The following TUB variants were observed in gnomAD, a reference collection of about 807,000 sequenced individuals.
TUB encodes the protein tubby protein homolog.
A neutral mutation model predicts 59.7 loss-of-function variants in TUB; 33 were observed. The observed-to-expected ratio is 0.55, with a 90% CI of 0.42 to 0.74. TUB has a LOEUF of 0.74. Ranked by LOEUF, TUB falls within the 30% of genes least tolerant of loss-of-function variation. The pLI is 0.00. For missense variants in TUB, 659 were observed against 672.0 expected, an observed-to-expected ratio of 0.98 and a Z score of 0.21; for synonymous variants, 293 against 256.4, an observed-to-expected ratio of 1.14 and a Z score of -1.36.
chr11:8,038,927 A>G (rs747831979), exon 1 of TUB: 7 of 1,613,788 alleles, frequency 4.3e-6, no homozygotes, highest in South Asian at 3.3e-5. Context: ...TTGCCGAGAC[A>G]GGGATTTTGT....
intron 1 of TUB, among the ~76,000 whole-genome samples, chr11:8,084,210 G>A (rs7929206): frequency 0.078 from 11,801 of 152,156 alleles, 974 homozygotes; most frequent in African/African-American, 0.21. Context: ...GTTACACCTT[G>A]CATTCCCTGG....
At chr11:8,042,966 C>T (rs2133737585) in intron 2 of TUB, among the ~76,000 whole-genome samples, 1 of 152,120 alleles carries the variant, frequency 6.6e-6, no homozygotes, top group East Asian at 1.9e-4. Flanking sequence ...TATCTAGTTT[C>T]CTTTTGTTGC....
At chr11:8,087,628 T>C (rs1267911418) in intron 1 of TUB, among the ~76,000 whole-genome samples, 2 of 152,248 alleles carry the variant, frequency 1.3e-5, no homozygotes, top group Non-Finnish European at 2.9e-5. Context: ...TTCACGTGTG[T>C]CCTGAAAGTT....
At chr11:8,050,452 G>A (rs1440221519) in intron 2 of TUB, among the ~76,000 whole-genome samples, 1 of 152,142 alleles carries the variant, frequency 6.6e-6, no homozygotes, top group East Asian at 1.9e-4. Flanking sequence ...ATGAATCCCA[G>A]CTGTCCCATA....
Position 8,094,118 on chromosome 11 carries a change from G to A in TUB, c.326G>A (p.Arg109Lys), listed in dbSNP as rs752018994. ...CCAACAGCACCAGCTTCAGCCAAGAGAACCAAGGCGGCAGCTACAGCAGGG... is the reference window on the plus strand; with the variant it reads ...CCAACAGCACCAGCTTCAGCCAAGAAAACCAAGGCGGCAGCTACAGCAGGG... ...TRPTAPASAK[R>K]TKAAATAGGQ... is the part of the protein sequence containing the mutation. Residue 109 changes from arginine (R) to lysine (K), a missense_variant, in exon 4 of 12, where the codon AGA becomes AAA. Transcript: ENST00000299506. 2 of 1,614,168 alleles carry A rather than the reference G, an allele frequency of 1.2e-6. No individual in the cohort carries two copies. The highest frequency in any genetic ancestry group is 1.7e-6 in the Non-Finnish European group (2 of 1,180,014).
At chr11:8,099,539 A>G (rs78629328) in intron 9 of TUB, among the ~76,000 whole-genome samples, 8,034 of 152,262 alleles carry the variant, frequency 0.053, 243 homozygotes, top group South Asian at 0.1. Flanking sequence ...TCAAGTTCTT[A>G]CTGAGCTCCA....
At chr11:8,071,405 C>T (rs1043022702) in intron 2 of TUB, among the ~76,000 whole-genome samples, 5 of 152,126 alleles carry the variant, frequency 3.3e-5, no homozygotes, top group African/African-American at 7.2e-5. Flanking sequence ...TCTAATCCAA[C>T]CCCCTCATCT....
chr11:8,079,506 T>C (rs992350792), upstream of TUB, among the ~76,000 whole-genome samples: 2 of 152,184 alleles, frequency 1.3e-5, no homozygotes, highest in African/African-American at 4.8e-5. Flanking sequence ...TTATTTTGTC[T>C]GCTCTCTGTC....
Position 8,104,286 on chromosome 11 carries a change from C to A in TUB, c.*2667C>A, listed in dbSNP as rs185654949. 6.6e-6 allele frequency: 1 copy of A among 152,090 alleles called. No individual in the cohort carries two copies. Among genetic ancestry groups the A allele is most frequent in the African/African-American group, 2.4e-5 (1 of 41,396 alleles). The allele number at this position is 152,090 out of a possible 1,614,324, so 9.4% of individuals were successfully genotyped here. A position where few individuals can be genotyped will look rare whatever the true frequency, so the allele number is the denominator to read the frequency against. ...TGAGTTTAGGCAGCTTCTCTGTAACCGCTTCTGGGGCCACACCCCAAAACT... is the reference window on the plus strand; with the variant it reads ...TGAGTTTAGGCAGCTTCTCTGTAACAGCTTCTGGGGCCACACCCCAAAACT... On this transcript the variant is annotated 3_prime_UTR_variant, in exon 12 of 12. Coordinates refer to ENST00000299506, the MANE Select transcript of TUB (RefSeq NM_177972.3).
chr11:8,097,494 G>C, intron 7 of TUB, 69 bp downstream of exon 7: 1 of 1,600,462 alleles, frequency 6.2e-7, no homozygotes, highest in Non-Finnish European at 8.6e-7. Context: ...GCTGAAATGT[G>C]ACTGGAAGTC....
At chr11:8,070,243 C>T (rs1943335700) in intron 2 of TUB, among the ~76,000 whole-genome samples, 1 of 152,158 alleles carries the variant, frequency 6.6e-6, no homozygotes, top group African/African-American at 2.4e-5. Context: ...AAACAGTCTT[C>T]CTATCATATA....
chr11:8,020,632 G>A (rs925999983), intron 1 of TUB, among the ~76,000 whole-genome samples: 5 of 152,104 alleles, frequency 3.3e-5, no homozygotes, highest in Non-Finnish European at 5.9e-5. Context: ...GCCTTCTTTG[G>A]GGAAATATAT....
intron 2 of TUB, among the ~76,000 whole-genome samples, chr11:8,046,478 T>C (rs116279648): frequency 1.7e-3 from 264 of 152,334 alleles, no homozygotes; most frequent in African/African-American, 5.9e-3. Flanking sequence ...TTCTATTTCC[T>C]ATCTCCTGGG....
intron 2 of TUB, among the ~76,000 whole-genome samples, chr11:8,045,986 G>C (rs1445200278): frequency 6.6e-6 from 1 of 152,120 alleles, no homozygotes; most frequent in Non-Finnish European, 1.5e-5. Context: ...CCCCAGCCTT[G>C]GGTCGTTTTC....
At chr11:8,033,090 G>A (rs1025836208) in intron 1 of TUB, among the ~76,000 whole-genome samples, 4 of 152,198 alleles carry the variant, frequency 2.6e-5, no homozygotes, top group Admixed American at 2.6e-4. Flanking sequence ...AATATGATCT[G>A]GGGGGGAACC....
intron 9 of TUB, 32 bp downstream of exon 9, chr11:8,098,907 C>T: frequency 1.3e-6 from 2 of 1,490,822 alleles, no homozygotes; most frequent in Non-Finnish European, 1.9e-6. Context: ...CTCTGATTTC[C>T]AAGGTAGATA....
At chr11:8,059,921 G>C (rs915034895) in intron 2 of TUB, 5 of 152,782 alleles carry the variant, frequency 3.3e-5, no homozygotes, top group Admixed American at 1.3e-4. Context: ...GAGGCACTGG[G>C]GACAGGGGAG....
At chr11:8,020,370 C>G (rs147242160) in intron 1 of TUB, among the ~76,000 whole-genome samples, 1 of 152,158 alleles carries the variant, frequency 6.6e-6, no homozygotes. Flanking sequence ...AAAAACCTCC[C>G]TGCATCTTCG....
At chr11:8,019,990 A>C (rs953009343) in intron 1 of TUB, among the ~76,000 whole-genome samples, 2 of 152,130 alleles carry the variant, frequency 1.3e-5, no homozygotes, top group Non-Finnish European at 2.9e-5. Context: ...GGCGGTTTGG[A>C]GCTGCGCTCC....
Sources: allele counts gnomAD v4.1 joint callset (sites outside exome capture counted in the v4.1 genomes callset), GRCh38; gene constraint gnomAD v4.1.1; transcripts MANE v1.5; gene names NCBI Gene and HGNC (gene_info 2026-07-23, HGNC 2026-07-21).